Variants in ZNF385B observed in about 807,000 individuals in gnomAD.
The protein encoded by ZNF385B is zinc finger protein 385B.
A neutral mutation model predicts 39.2 loss-of-function variants in ZNF385B; 23 were observed. That is an observed-to-expected ratio of 0.59 (90% CI 0.42 to 0.83). The LOEUF (loss-of-function observed/expected upper bound fraction) is 0.83. ZNF385B is among the 40% of genes least tolerant of loss of function. The probability of loss-of-function intolerance (pLI) is 0.00; values close to 1 mark genes in which losing one functional copy is unlikely to be tolerated. For synonymous variants in ZNF385B, 205 were observed against 222.6 expected, an observed-to-expected ratio of 0.92 and a Z score of 0.70; for missense variants, 552 against 598.9, an observed-to-expected ratio of 0.92 and a Z score of 0.82.
chr2:179,849,715 A>G (rs1708982626), intron 1 of ZNF385B, among the ~76,000 whole-genome samples: 1 of 152,206 alleles, frequency 6.6e-6, no homozygotes, highest in Non-Finnish European at 1.5e-5. Flanking sequence ...AAACATTAGC[A>G]TTTACTATCT....
chr2:179,794,703 T>C (rs1705546092), intron 1 of ZNF385B, among the ~76,000 whole-genome samples: 1 of 152,094 alleles, frequency 6.6e-6, no homozygotes, highest in African/African-American at 2.4e-5. Flanking sequence ...AGAACCAACA[T>C]CCACTTGTCC....
intron 3 of ZNF385B, among the ~76,000 whole-genome samples, chr2:179,567,307 GC>G (rs1189458112): frequency 2.6e-5 from 4 of 152,072 alleles, no homozygotes; most frequent in African/African-American, 9.7e-5. Context: ...AAAGCAGCAG[GC>G]AAACCTAGAA....
chr2:179,689,693 C>T (rs2106340959), intron 3 of ZNF385B, among the ~76,000 whole-genome samples: 1 of 152,244 alleles, frequency 6.6e-6, no homozygotes, highest in East Asian at 1.9e-4. Context: ...ATCAGTGCCT[C>T]CTTTCTGCTC....
At chr2:179,596,135 C>A (rs1415831237) in intron 3 of ZNF385B, among the ~76,000 whole-genome samples, 2 of 152,004 alleles carry the variant, frequency 1.3e-5, no homozygotes. Flanking sequence ...TGGAACAATA[C>A]CCATTTATTA....
intron 5 of ZNF385B, among the ~76,000 whole-genome samples, chr2:179,484,002 A>G (rs1453510355): frequency 2.0e-5 from 3 of 152,214 alleles, no homozygotes; most frequent in Admixed American, 2.0e-4. Context: ...CAGTTACAAG[A>G]ACAGATAATG....
At chr2:179,739,193 C>T (rs945790547) in intron 3 of ZNF385B, among the ~76,000 whole-genome samples, 8 of 152,168 alleles carry the variant, frequency 5.3e-5, no homozygotes, top group Non-Finnish European at 1.0e-4. Context: ...ATATGGTTAG[C>T]TTGAAAGTCA....
chr2:179,635,260 C>T (rs1691644252), intron 3 of ZNF385B, among the ~76,000 whole-genome samples: 1 of 151,932 alleles, frequency 6.6e-6, no homozygotes, highest in South Asian at 2.1e-4. Flanking sequence ...TGGAAACCAT[C>T]ATTCTCAGCA....
chr2:179,782,863 C>T (rs772539471), intron 1 of ZNF385B, among the ~76,000 whole-genome samples: 2 of 152,178 alleles, frequency 1.3e-5, no homozygotes, highest in Non-Finnish European at 2.9e-5. Context: ...ACATCCCATG[C>T]TCATGGATAG....
intron 6 of ZNF385B, among the ~76,000 whole-genome samples, chr2:179,468,142 C>A (rs1273489137): frequency 1.3e-5 from 2 of 152,228 alleles, no homozygotes; most frequent in African/African-American, 4.8e-5. Flanking sequence ...GCCTCACACT[C>A]AGATAAAACA....
intron 5 of ZNF385B, among the ~76,000 whole-genome samples, chr2:179,493,629 G>A (rs1454810116): frequency 1.1e-3 from 114 of 105,968 alleles, no homozygotes; most frequent in East Asian, 2.4e-3. Context: ...ATATGTATAC[G>A]CATATGTATA....
chr2:179,568,630 A>T (rs1188055871), intron 3 of ZNF385B, among the ~76,000 whole-genome samples: 1 of 152,232 alleles, frequency 6.6e-6, no homozygotes, highest in East Asian at 1.9e-4. Context: ...GTGGTATTTC[A>T]TTATCACAGC....
chr2:179,554,559 C>T lies in ZNF385B; in HGVS notation c.299-9590G>A, dbSNP rs1001445179. Among the ~76,000 whole-genome samples, 14 of 148,156 alleles carry T rather than the reference C, an allele frequency of 9.4e-5. 1 individual carries two copies. The highest frequency in any genetic ancestry group is 3.1e-4 in the African/African-American group (12 of 39,144). On this transcript the variant is annotated intron_variant, in intron 3 of 9. Transcript: ENST00000410066. ...AGTATCTTTGTGACCTTGGACTAAGCGAAGGTCTCTTAAACAGGAAACAAA... is the reference window on the plus strand; with the variant it reads ...AGTATCTTTGTGACCTTGGACTAAGTGAAGGTCTCTTAAACAGGAAACAAA...
intron 5 of ZNF385B, among the ~76,000 whole-genome samples, chr2:179,509,797 T>G (rs2057528016): frequency 6.6e-6 from 1 of 152,252 alleles, no homozygotes; most frequent in Admixed American, 6.5e-5. Context: ...CAATTTGTAC[T>G]GCTGAACAGC....
intron 3 of ZNF385B, among the ~76,000 whole-genome samples, chr2:179,601,369 T>C (rs1300204934): frequency 6.6e-6 from 1 of 152,208 alleles, no homozygotes; most frequent in Non-Finnish European, 1.5e-5. Context: ...ATAAAATTCT[T>C]GGTTATAATA....
chr2:179,769,438 C>A, intron 3 of ZNF385B, 65 bp downstream of exon 3: 1 of 1,588,886 alleles, frequency 6.3e-7, no homozygotes. Flanking sequence ...GTTCTAAATC[C>A]TTCATTTTCC....
intron 1 of ZNF385B, chr2:179,814,686 G>T: frequency 3.2e-6 from 1 of 315,946 alleles, no homozygotes; most frequent in Non-Finnish European, 6.3e-6. Flanking sequence ...AGCGCCCTCA[G>T]GCTGTGTGGA....
chr2:179,800,821 AG>A (rs1705982922), intron 1 of ZNF385B, among the ~76,000 whole-genome samples: 1 of 152,112 alleles, frequency 6.6e-6, no homozygotes, highest in African/African-American at 2.4e-5. Context: ...GTTTTGCTGA[AG>A]CCTTTTAAAG....
intron 3 of ZNF385B, among the ~76,000 whole-genome samples, chr2:179,673,570 A>G (rs1310988619): frequency 6.6e-6 from 1 of 152,206 alleles, no homozygotes; most frequent in Non-Finnish European, 1.5e-5. Flanking sequence ...AAGACCCTGA[A>G]TAAAATTAAA....
At chr2:179,717,885 T>A (rs1700433039) in intron 3 of ZNF385B, among the ~76,000 whole-genome samples, 1 of 148,060 alleles carries the variant, frequency 6.8e-6, no homozygotes, top group Admixed American at 6.7e-5. Context: ...ATGTAATTAT[T>A]TGTTATTACA....
Sources: gnomAD v4.1 joint callset for allele counts (sites outside exome capture counted in the v4.1 genomes callset) on GRCh38, gnomAD v4.1.1 for gene constraint, MANE v1.5 for transcripts, NCBI Gene and HGNC (gene_info 2026-07-23, HGNC 2026-07-21) for gene names.